Variants in DSCAM observed in about 807,000 individuals in gnomAD.
The protein encoded by DSCAM is cell adhesion molecule DSCAM.
A neutral mutation model predicts 217.7 loss-of-function variants in DSCAM; 47 were observed. That is an observed-to-expected ratio of 0.22 (90% CI 0.17 to 0.28). The LOEUF is 0.28. Ranked by LOEUF, DSCAM falls within the 10% of genes least tolerant of loss-of-function variation. The probability of loss-of-function intolerance (pLI) is 1.00; values close to 1 mark genes in which losing one functional copy is unlikely to be tolerated. For missense variants in DSCAM, 2,080 were observed against 2,618.3 expected, an observed-to-expected ratio of 0.79 and a Z score of 4.49; for synonymous variants, 1,056 against 1,015.3, an observed-to-expected ratio of 1.04 and a Z score of -0.76.
At chr21:40,416,776 C>T (rs978186034) in intron 3 of DSCAM, among the ~76,000 whole-genome samples, 1 of 152,068 alleles carries the variant, frequency 6.6e-6, no homozygotes, top group Non-Finnish European at 1.5e-5. Flanking sequence ...ATACTACTCT[C>T]TAGTGGTTGG....
intron 3 of DSCAM, among the ~76,000 whole-genome samples, chr21:40,534,537 C>G (rs77564035): frequency 0.016 from 2,428 of 152,224 alleles, 53 homozygotes; most frequent in Admixed American, 0.037. Context: ...TGATGTGGAC[C>G]TGGAGACTCC....
At chr21:40,161,389 T>C (rs1006019875) in intron 16 of DSCAM, among the ~76,000 whole-genome samples, 69 of 151,166 alleles carry the variant, frequency 4.6e-4, no homozygotes, top group African/African-American at 1.5e-3. Context: ...TTTAGTCACC[T>C]AGGGCTTTCT....
intron 3 of DSCAM, among the ~76,000 whole-genome samples, chr21:40,397,877 C>T (rs2075196122): frequency 1.3e-5 from 2 of 152,136 alleles, no homozygotes; most frequent in Non-Finnish European, 2.9e-5. Flanking sequence ...ACTACCAGTA[C>T]TTCTACTGCC....
chr21:40,473,454 C>T (rs1345844676), intron 3 of DSCAM, among the ~76,000 whole-genome samples: 2 of 152,196 alleles, frequency 1.3e-5, no homozygotes, highest in African/African-American at 4.8e-5. Context: ...TGCTTTCCAA[C>T]ATGATAGACT....
In DSCAM at chr21:40,846,633, T is replaced by A. The variant is rs1264818189; in HGVS notation, c.29A>T (p.Gln10Leu). 2.4e-6 allele frequency: 3 copies of A among 1,273,306 alleles called. No individual in the cohort carries two copies. The highest frequency in any genetic ancestry group is 1.8e-5 in the African/African-American group (1 of 56,278). 78.9% of individuals were successfully genotyped at this position (1,273,306 alleles called of 1,614,324 possible). The change falls in exon 1 of 33, where the codon CAG becomes CTG. Residue 10 changes from glutamine (Q) to leucine (L), a missense_variant. By Grantham distance (113) the Gln-to-Leu change is moderately radical. Coordinates refer to ENST00000400454, the MANE Select transcript of DSCAM (RefSeq NM_001389.5). ...GAAAGGCTCACCATTCGCGAAGCTC[T>A]GGAACAAGGAGAGAGCCAGTATCCA... MWILALSLF[Q>L]SFANVFSEDL...
At position 40,189,108 on chromosome 21, in the gene DSCAM, GT is replaced by G. The variant is rs2090927508; in HGVS notation, c.2486del (p.Asn829ThrfsTer18). 6.2e-7 allele frequency: 1 copy of G among 1,614,002 alleles called. No individual in the cohort carries two copies. Among genetic ancestry groups the G allele is most frequent in the Non-Finnish European group, 8.5e-7 (1 of 1,180,036 alleles). On this transcript the variant is annotated frameshift_variant, in exon 12 of 33. Coordinates refer to ENST00000400454, the MANE Select transcript of DSCAM (RefSeq NM_001389.5). LOFTEE classifies it high-confidence loss of function. ...VRWEKEDRII[N>X]PEMARYLVST... ...ACACAAGATAACGGGCCATCTCAGG[GT>G]TAATGATTCGGTCCTCCTTCTCCCA... is the stretch of plus-strand genomic sequence containing the variant.
At chr21:40,553,025 C>G (rs925056699) in intron 3 of DSCAM, among the ~76,000 whole-genome samples, 3 of 152,180 alleles carry the variant, frequency 2.0e-5, no homozygotes, top group Admixed American at 6.5e-5. Context: ...CATCACTAAG[C>G]ATCTTTGTTC....
At chr21:40,639,275 TAA>T (rs932086403) in intron 3 of DSCAM, among the ~76,000 whole-genome samples, 1 of 152,176 alleles carries the variant, frequency 6.6e-6, no homozygotes, top group African/African-American at 2.4e-5. Flanking sequence ...CCCATCACTG[TAA>T]AATAATTTTA....
intron 3 of DSCAM, among the ~76,000 whole-genome samples, chr21:40,464,745 T>C (rs1335240573): frequency 6.8e-6 from 1 of 146,014 alleles, no homozygotes; most frequent in East Asian, 2.0e-4. Context: ...AGAACCATCT[T>C]TTTTTTTTTT....
intron 32 of DSCAM, among the ~76,000 whole-genome samples, chr21:40,040,105 A>G (rs2146471145): frequency 6.6e-6 from 1 of 152,356 alleles, no homozygotes; most frequent in African/African-American, 2.4e-5. Flanking sequence ...AAAGGTTTCC[A>G]AAGGCTGAAA....
chr21:40,422,766 C>A (rs2075437173), intron 3 of DSCAM, among the ~76,000 whole-genome samples: 1 of 152,158 alleles, frequency 6.6e-6, no homozygotes, highest in Non-Finnish European at 1.5e-5. Flanking sequence ...TATGAGGCAG[C>A]CACAAAACCA....
intron 20 of DSCAM, among the ~76,000 whole-genome samples, chr21:40,111,274 G>A (rs1341364922): frequency 6.6e-6 from 1 of 152,070 alleles, no homozygotes; most frequent in East Asian, 1.9e-4. Context: ...CATTCTTAAA[G>A]AAAAGAATTT....
chr21:40,378,554 A>AT (rs71186931), intron 3 of DSCAM, among the ~76,000 whole-genome samples: 4 of 75,712 alleles, frequency 5.3e-5, no homozygotes, highest in Non-Finnish European at 7.4e-5. Flanking sequence ...ATGAAAACTT[A>AT]TTTTTTTTTT....
At position 40,130,255 on chromosome 21, in the gene DSCAM, A is replaced by G. The variant is rs114376661; in HGVS notation, c.3562+3599T>C. ...TCGTATTATAGTATTGGCAAATAAAATGGCATCAGGATTTCACAACTGTTT... is the reference window on the plus strand; with the variant it reads ...TCGTATTATAGTATTGGCAAATAAAGTGGCATCAGGATTTCACAACTGTTT... On this transcript the variant is annotated intron_variant, in intron 19 of 32. Coordinates refer to ENST00000400454, the MANE Select transcript of DSCAM (RefSeq NM_001389.5). Among the ~76,000 whole-genome samples the G allele has an allele frequency of 2.6e-3, 397 of 152,346 alleles. 1 individual carries two copies. Among genetic ancestry groups the G allele is most frequent in the African/African-American group, 9.4e-3 (390 of 41,574 alleles).
intron 16 of DSCAM, among the ~76,000 whole-genome samples, chr21:40,162,480 C>T: frequency 6.6e-6 from 1 of 152,256 alleles, no homozygotes; most frequent in East Asian, 1.9e-4. Flanking sequence ...TAAACGATGA[C>T]TACGGAGGTC....
intron 1 of DSCAM, among the ~76,000 whole-genome samples, chr21:40,802,263 G>A (rs2091748340): frequency 6.6e-6 from 1 of 152,210 alleles, no homozygotes; most frequent in South Asian, 2.1e-4. Flanking sequence ...GTTGGGACTA[G>A]TTAAGCCTTT....
intron 1 of DSCAM, among the ~76,000 whole-genome samples, chr21:40,734,508 T>C (rs1313957744): frequency 6.6e-6 from 1 of 152,236 alleles, no homozygotes; most frequent in Non-Finnish European, 1.5e-5. Flanking sequence ...AGTCAAGCCA[T>C]GCATACACAA....
chr21:40,271,837 C>A (rs1226334002), intron 11 of DSCAM, among the ~76,000 whole-genome samples: 2 of 152,168 alleles, frequency 1.3e-5, no homozygotes, highest in Non-Finnish European at 2.9e-5. Context: ...GTTCCCCTCT[C>A]CATTTTGTCT....
intron 1 of DSCAM, among the ~76,000 whole-genome samples, chr21:40,840,242 C>A (rs1053350373): frequency 7.2e-5 from 11 of 152,052 alleles, no homozygotes; most frequent in Non-Finnish European, 1.0e-4. Context: ...TGACAAAAAA[C>A]CCATAAATCC....
Sources: gnomAD v4.1 joint callset for allele counts (sites outside exome capture counted in the v4.1 genomes callset) on GRCh38, gnomAD v4.1.1 for gene constraint, MANE v1.5 for transcripts, NCBI Gene and HGNC (gene_info 2026-07-23, HGNC 2026-07-21) for gene names.